Variants in NOTCH3 observed in about 807,000 individuals in gnomAD.
The protein encoded by NOTCH3 is neurogenic locus notch homolog protein 3.
A neutral mutation model predicts 213.3 loss-of-function variants in NOTCH3; 86 were observed. The observed-to-expected ratio is 0.40, with a 90% CI of 0.34 to 0.48. NOTCH3 has a LOEUF of 0.48. Among genes scored for constraint, NOTCH3 ranks in the 20% least tolerant of loss-of-function variants. The pLI is 0.57. For synonymous variants in NOTCH3, 1,354 were observed against 1,355.9 expected (o/e 1.00, Z 0.03); for missense variants, 2,783 against 3,272.6 (o/e 0.85, Z 3.65).
Position 15,170,780 on chromosome 19 carries a change from C to G in NOTCH3, c.4782G>C (p.Ser1594=), listed in dbSNP as rs748774860. 17 of 1,613,102 alleles carry G rather than the reference C, an allele frequency of 1.1e-5. No homozygotes were observed. The East Asian group carries it at 3.8e-4, about 36-fold the overall frequency. The change falls in exon 26 of 33, where the codon TCG becomes TCC. Residue 1594 remains serine (S), a synonymous_variant. Coordinates refer to ENST00000263388, the MANE Select transcript of NOTCH3 (RefSeq NM_000435.3). The stretch of plus-strand genomic sequence containing the variant: ...CGGGGAAGCAGTGATCATTCTCAGG[C>G]GACTGCAGGCAGAGCCGGTTGTCAA... ...LEIDNRLCLQ[S]PENDHCFPDA... is the part of the protein sequence containing the mutation.
In NOTCH3 at chr19:15,180,172, C is replaced by T. The variant is rs771803651; in HGVS notation, c.3227G>A (p.Arg1076His). Residue 1076 changes from arginine to histidine, a missense_variant, in exon 20 of 33, where the codon CGT becomes CAT. Arg to His is a conservative substitution (Grantham distance 29). This residue lies in a region of NOTCH3 where 861 missense variants were observed against 909.1 expected (regional missense o/e 0.95). Coordinates refer to ENST00000263388, the MANE Select transcript of NOTCH3 (RefSeq NM_000435.3). ...SSHYCVCPEG[R>H]TGSHCEQEVD... ...CTCCTGCTCACAGTGGCTACCAGTA[C>T]GGCCCTCTGGGCACACGCAGTAGTG... 105 of 1,613,630 alleles carry T rather than the reference C, an allele frequency of 6.5e-5. No homozygotes were observed. The highest frequency in any genetic ancestry group is 1.5e-4 in the Admixed American group (9 of 59,996).
chr19:15,200,158 G>T (rs1276285161), intron 1 of NOTCH3, among the ~76,000 whole-genome samples: 1 of 150,638 alleles, frequency 6.6e-6, no homozygotes, highest in African/African-American at 2.4e-5. Flanking sequence ...CCCGCGCAGG[G>T]GCGGGGTCCC....
At chr19:15,182,705 C>T (rs993280977) in intron 16 of NOTCH3, among the ~76,000 whole-genome samples, 1 of 151,832 alleles carries the variant, frequency 6.6e-6, no homozygotes, top group South Asian at 2.1e-4. Context: ...TGCAATGGCA[C>T]GATCTCAGCT....
intron 12 of NOTCH3, among the ~76,000 whole-genome samples, chr19:15,186,507 C>A (rs896611759): frequency 6.6e-6 from 1 of 151,804 alleles, no homozygotes; most frequent in Non-Finnish European, 1.5e-5. Flanking sequence ...TGAGGTCAAG[C>A]AATTCTCCTG....
In NOTCH3 at chr19:15,161,194, C is replaced by T. The variant is rs776779400; in HGVS notation, c.6434G>A (p.Arg2145Gln). 2.0e-5 allele frequency: 31 copies of T among 1,540,626 alleles called. No individual in the cohort carries two copies. Among genetic ancestry groups the T allele is most frequent in the South Asian group, 1.7e-4 (14 of 84,246 alleles). ...AGGGGGCTGGCGCCCTAGACCCGCCCGGCCTGGGCCACCAAGCTGTGCCAG... is the reference window on the plus strand; with the variant it reads ...AGGGGGCTGGCGCCCTAGACCCGCCTGGCCTGGGCCACCAAGCTGTGCCAG... ...VSLAQLGGPG[R>Q]AGLGRQPPGG... is the part of the protein sequence containing the mutation. Residue 2145 changes from arginine to glutamine, a missense_variant, in exon 33 of 33, where the codon CGG becomes CAG. Coordinates refer to ENST00000263388, the MANE Select transcript of NOTCH3 (RefSeq NM_000435.3).
intron 1 of NOTCH3, among the ~76,000 whole-genome samples, 155 bp from the exon 2 acceptor site, chr19:15,197,733 C>A (rs1370991271): frequency 3.1e-5 from 1 of 32,184 alleles, no homozygotes; most frequent in African/African-American, 8.9e-5. Context: ...ACAGTTCCCA[C>A]GCCCCCCCCC....
At chr19:15,164,825 C>T (rs1309425903) in intron 31 of NOTCH3, among the ~76,000 whole-genome samples, 5 of 151,978 alleles carry the variant, frequency 3.3e-5, no homozygotes, top group Non-Finnish European at 7.4e-5. Flanking sequence ...AGTCTGTCCC[C>T]CAGGCTGGAG....
intron 24 of NOTCH3, among the ~76,000 whole-genome samples, chr19:15,177,071 T>TAAAAA (rs776950725): frequency 7.6e-5 from 6 of 79,144 alleles, no homozygotes; most frequent in African/African-American, 2.6e-4. Context: ...GACTCCGTCT[T>TAAAAA]AAAAAAAAAA....
At chr19:15,189,492 C>G in intron 6 of NOTCH3, 64 bp from the exon 7 acceptor site, 2 of 1,567,618 alleles carry the variant, frequency 1.3e-6, no homozygotes, top group Non-Finnish European at 1.8e-6. Context: ...GCCCACACCC[C>G]TTGAGTATTG....
Position 15,174,321 on chromosome 19 carries a change from AGCCGCAC to A in NOTCH3, c.4476_4482del (p.Glu1492AspfsTer84), listed in dbSNP as rs770371566. 17 of 1,553,882 alleles carry A rather than the reference AGCCGCAC, an allele frequency of 1.1e-5. No homozygotes were observed. Among genetic ancestry groups the A allele is most frequent in the Non-Finnish European group, 1.7e-6 (2 of 1,149,436 alleles). The stretch of plus-strand genomic sequence containing the variant: ...TCGCTGGCACAATCCAGCCCATCCC[AGCCGCAC>A]TCCTCCGTGTTGCAGCCCTGGTCGC... On this transcript the variant is annotated frameshift_variant, in exon 25 of 33. Transcript: ENST00000263388. LOFTEE classifies it high-confidence loss of function.
intron 24 of NOTCH3, among the ~76,000 whole-genome samples, chr19:15,175,242 A>T (rs1469041820): frequency 6.6e-6 from 1 of 151,878 alleles, no homozygotes; most frequent in African/African-American, 2.4e-5. Flanking sequence ...TCAATAAAAT[A>T]AAAATACAGG....
Position 15,159,723 on chromosome 19 carries a change from C to A in NOTCH3, c.*939G>T, listed in dbSNP as rs868220597. On this transcript the variant is annotated 3_prime_UTR_variant, in exon 33 of 33. Transcript: ENST00000263388. Reference sequence around the variant, plus strand: ...GAATTCAGCTACACAGGGATTTTGACCAGAAGCCATATTACAAAAATAGCC... The same window carrying A: ...GAATTCAGCTACACAGGGATTTTGAACAGAAGCCATATTACAAAAATAGCC... 8.6e-6 allele frequency: 2 copies of A among 232,890 alleles called. No homozygotes were observed. The highest frequency in any genetic ancestry group is 1.7e-5 in the Non-Finnish European group (2 of 117,900). The allele number at this position is 232,890 out of a possible 1,614,324, so 14.4% of individuals were successfully genotyped here. A position where few individuals can be genotyped will look rare whatever the true frequency, so the allele number is the denominator to read the frequency against.
At chr19:15,183,117 T>C (rs2046853291) in intron 16 of NOTCH3, among the ~76,000 whole-genome samples, 1 of 151,986 alleles carries the variant, frequency 6.6e-6, no homozygotes, top group Non-Finnish European at 1.5e-5. Flanking sequence ...TAGCTAGGCA[T>C]GTAGTGAGTG....
At chr19:15,192,840 G>A (rs533212313) in intron 2 of NOTCH3, among the ~76,000 whole-genome samples, 3 of 152,164 alleles carry the variant, frequency 2.0e-5, no homozygotes, top group African/African-American at 4.8e-5. Context: ...GCTTGAACTC[G>A]GGAGGTGGAG....
intron 25 of NOTCH3, 21 bp from the exon 26 acceptor site, chr19:15,170,846 G>C: frequency 1.2e-6 from 2 of 1,612,162 alleles, no homozygotes; most frequent in South Asian, 2.2e-5. Context: ...AGCAGGGAGG[G>C]ACCAGAGGGC....
At chr19:15,164,865 C>A (rs578133188) in intron 31 of NOTCH3, among the ~76,000 whole-genome samples, 61 of 152,106 alleles carry the variant, frequency 4.0e-4, no homozygotes, top group Middle Eastern at 3.4e-3. Flanking sequence ...CTCACAGACT[C>A]AACCTCCTGG....
Position 15,197,561 on chromosome 19 carries a change from C to T in NOTCH3, c.136G>A (p.Gly46Arg), listed in dbSNP as rs748968901. The change falls in exon 2 of 33, where the codon GGA (glycine) becomes AGA (arginine). Residue 46 changes from glycine (G) to arginine (R), a missense_variant. Gly to Arg is a moderately radical substitution (Grantham distance 125, BLOSUM62 -2). This residue lies in a region of NOTCH3 where 708 missense variants were observed against 906.6 expected (regional missense o/e 0.78). Coordinates refer to ENST00000263388, the MANE Select transcript of NOTCH3 (RefSeq NM_000435.3). ...PGAAAPPCLDGSPCANGGRCT... is the reference protein window; with the variant it reads ...PGAAAPPCLDRSPCANGGRCT... ...CGACCTCCATTTGCACACGGGCTTCCGTCCAGGCAAGGGGGGGCTGTGTGG... is the reference window on the plus strand; with the variant it reads ...CGACCTCCATTTGCACACGGGCTTCTGTCCAGGCAAGGGGGGGCTGTGTGG... The T allele has an allele frequency of 2.5e-6, 4 of 1,611,742 alleles. No homozygotes were observed. Among genetic ancestry groups the T allele is most frequent in the East Asian group, 2.2e-5 (1 of 44,862 alleles).
chr19:15,191,325 G>A, intron 6 of NOTCH3, 99 bp downstream of exon 6: 1 of 1,102,976 alleles, frequency 9.1e-7, no homozygotes, highest in Admixed American at 2.0e-5. Flanking sequence ...GAGCCACTGT[G>A]CCCAGCCTAG....
intron 28 of NOTCH3, among the ~76,000 whole-genome samples, chr19:15,167,961 T>G (rs1287618687): frequency 6.7e-6 from 1 of 150,244 alleles, no homozygotes; most frequent in Non-Finnish European, 1.5e-5. Context: ...TTTTAGAGAC[T>G]GAGTCTCACT....
Sources: allele counts gnomAD v4.1 joint callset (sites outside exome capture counted in the v4.1 genomes callset), GRCh38; gene constraint gnomAD v4.1.1; regional missense constraint gnomAD v4.1.1; transcripts MANE v1.5; gene names NCBI Gene and HGNC (gene_info 2026-07-23, HGNC 2026-07-21).